OXR1: variants seen among roughly 807,000 people sequenced by gnomAD.
OXR1 encodes oxidation resistance protein 1.
In OXR1, 41 loss-of-function variants were observed where a neutral mutation model predicts 104.6. That is an observed-to-expected ratio of 0.39 (90% confidence interval 0.31 to 0.51). The LOEUF (loss-of-function observed/expected upper bound fraction) is 0.51. OXR1 is among the 20% of genes least tolerant of loss of function. The probability of loss-of-function intolerance (pLI) is 0.77; values close to 1 mark genes in which losing one functional copy is unlikely to be tolerated. For synonymous variants in OXR1, 348 were observed against 348.4 expected (o/e 1.00, Z 0.01); for missense variants, 955 against 1,031.9 (o/e 0.93, Z 1.02).
At chr8:106,583,051 G>C (rs997268550) in intron 3 of OXR1, among the ~76,000 whole-genome samples, 2 of 152,126 alleles carry the variant, frequency 1.3e-5, no homozygotes, top group Admixed American at 6.5e-5. Context: ...TAGTTGTTAG[G>C]AGGGAGTTTT....
At chr8:106,605,121 C>CT (rs934167631) in intron 3 of OXR1, 29 of 152,176 alleles carry the variant, frequency 1.9e-4, no homozygotes, top group South Asian at 4.1e-4. Context: ...AAAATCGTTC[C>CT]TTTGTGCTGA....
At chr8:106,577,071 C>T (rs1183711859) in intron 3 of OXR1, among the ~76,000 whole-genome samples, 2 of 152,008 alleles carry the variant, frequency 1.3e-5, no homozygotes, top group Non-Finnish European at 2.9e-5. Context: ...TAATAGTCAT[C>T]GGCAGACTTT....
At chr8:106,309,768 A>C (rs1385024945) in intron 1 of OXR1, among the ~76,000 whole-genome samples, 1 of 150,680 alleles carries the variant, frequency 6.6e-6, no homozygotes, top group African/African-American at 2.4e-5. Flanking sequence ...TTAAAATAAA[A>C]ATATATATAC....
At position 106,355,948 on chromosome 8, in the gene OXR1, G is replaced by A. The variant is rs947656622; in HGVS notation, c.-138-3528G>A. Among the ~76,000 whole-genome samples, 8 of 152,042 alleles carry A rather than the reference G, an allele frequency of 5.3e-5. No individual in the cohort carries two copies. The East Asian group carries it at 7.7e-4, about 15-fold the overall frequency. On this transcript the variant is annotated intron_variant, in intron 1 of 16. Transcript: ENST00000517566. The stretch of plus-strand genomic sequence containing the variant: ...GCATCAGACAGAGTTAAACAGCTGC[G>A]AGGAAAACTGGATTCCATATTATTG...
At chr8:106,514,783 GATAAA>G (rs1308190642) in intron 2 of OXR1, among the ~76,000 whole-genome samples, 6 of 151,910 alleles carry the variant, frequency 3.9e-5, no homozygotes, top group Non-Finnish European at 7.4e-5. Context: ...AGTTTCTGGT[GATAAA>G]ATAATCTGCT....
chr8:106,541,899 G>T (rs980674954), intron 3 of OXR1, among the ~76,000 whole-genome samples: 1 of 152,214 alleles, frequency 6.6e-6, no homozygotes, highest in African/African-American at 2.4e-5. Flanking sequence ...TTTACTGTAT[G>T]TATTTGGTCC....
chr8:106,541,776 A>G (rs997039593), intron 3 of OXR1, among the ~76,000 whole-genome samples: 1 of 152,176 alleles, frequency 6.6e-6, no homozygotes, highest in African/African-American at 2.4e-5. Context: ...GAGTGGTTAA[A>G]AATAGTTCCC....
rs28921436 is a variant in OXR1 at position 106,720,954 on chromosome 8, A to G, written c.1956+6969A>G. 7.6e-4 allele frequency among the ~76,000 whole-genome samples: 116 copies of G among 152,296 alleles called. No individual in the cohort carries two copies. The East Asian group carries it at 0.02, about 26-fold the overall frequency. On this transcript the variant is annotated intron_variant, in intron 11 of 16. Coordinates refer to ENST00000517566, the MANE Select transcript of OXR1 (RefSeq NM_001198533.2). ...GATGAATTTGGAATTTCTTATCATG[A>G]AGTCAAAATGGTAATACTGTAAGTT...
intron 1 of OXR1, among the ~76,000 whole-genome samples, chr8:106,351,210 C>T (rs1436821585): frequency 6.6e-6 from 1 of 152,136 alleles, no homozygotes; most frequent in Non-Finnish European, 1.5e-5. Context: ...TGAATACCTT[C>T]CCTGTCCTAG....
At chr8:106,692,990 A>T in intron 7 of OXR1, 113 bp downstream of exon 7, 1 of 706,270 alleles carries the variant, frequency 1.4e-6, no homozygotes, top group Non-Finnish European at 2.2e-6. Flanking sequence ...CTTGAATATT[A>T]TAGAAAGGTA....
At chr8:106,578,987 CT>C (rs71307073) in intron 3 of OXR1, among the ~76,000 whole-genome samples, 25,542 of 137,704 alleles carry the variant, frequency 0.19, 2,157 homozygotes, top group East Asian at 0.36. Flanking sequence ...CTTTTTCTTT[CT>C]TTTTTTTTTT....
At chr8:106,672,838 C>T (rs1827185382) in intron 3 of OXR1, among the ~76,000 whole-genome samples, 1 of 152,174 alleles carries the variant, frequency 6.6e-6, no homozygotes, top group Non-Finnish European at 1.5e-5. Flanking sequence ...CTCCCTCCTG[C>T]CACCTTGTAA....
intron 3 of OXR1, among the ~76,000 whole-genome samples, chr8:106,596,725 T>C (rs1819551779): frequency 6.6e-6 from 1 of 152,108 alleles, no homozygotes; most frequent in South Asian, 2.1e-4. Flanking sequence ...TTCTCTCCAT[T>C]TATCCAAGTA....
At chr8:106,367,864 CAGAA>C (rs894262530) in intron 2 of OXR1, among the ~76,000 whole-genome samples, 2 of 151,682 alleles carry the variant, frequency 1.3e-5, no homozygotes, top group African/African-American at 2.4e-5. Flanking sequence ...GGCAGAGAAA[CAGAA>C]AGGACAAAGA....
chr8:106,426,434 G>A (rs1474629367), intron 2 of OXR1, among the ~76,000 whole-genome samples: 2 of 151,840 alleles, frequency 1.3e-5, no homozygotes, highest in Non-Finnish European at 2.9e-5. Flanking sequence ...ATTTATAATA[G>A]CTGTTTTCTG....
chr8:106,504,775 G>C (rs1280642402), intron 2 of OXR1, among the ~76,000 whole-genome samples: 1 of 152,088 alleles, frequency 6.6e-6, no homozygotes, highest in Non-Finnish European at 1.5e-5. Flanking sequence ...GCTTTAAATA[G>C]TTATGTCATA....
At chr8:106,633,188 C>T (rs577731276) in intron 3 of OXR1, among the ~76,000 whole-genome samples, 19 of 151,850 alleles carry the variant, frequency 1.3e-4, no homozygotes, top group South Asian at 4.2e-4. Context: ...GCCGAGATTG[C>T]GCCACTGCAC....
At chr8:106,618,309 G>A (rs1821412438) in intron 3 of OXR1, 7 of 790,298 alleles carry the variant, frequency 8.9e-6, no homozygotes, top group Non-Finnish European at 1.5e-5. Context: ...GATCTGTGAC[G>A]ATGCAGTTGG....
chr8:106,358,253 G>A (rs1816066891), intron 1 of OXR1, among the ~76,000 whole-genome samples: 2 of 152,150 alleles, frequency 1.3e-5, no homozygotes, highest in African/African-American at 4.8e-5. Context: ...TGCCATATAT[G>A]CCTTGGCCTT....
Sources: allele counts gnomAD v4.1 joint callset (sites outside exome capture counted in the v4.1 genomes callset), GRCh38; gene constraint gnomAD v4.1.1; transcripts MANE v1.5; gene names NCBI Gene and HGNC (gene_info 2026-07-23, HGNC 2026-07-21).